The following MAP3K2 variants were observed in gnomAD, a reference collection of about 807,000 sequenced individuals.
MAP3K2 encodes the protein mitogen-activated protein kinase kinase kinase 2.
MAP3K2 carries 24 observed loss-of-function variants against 80.3 expected under a neutral mutation model. The observed-to-expected ratio is 0.30, with a 90% CI of 0.22 to 0.42. The LOEUF (loss-of-function observed/expected upper bound fraction) is 0.42, where lower values mean the gene tolerates loss of function less well. MAP3K2 is among the 10% of genes least tolerant of loss of function. MAP3K2 has a pLI of 1.00. For synonymous variants in MAP3K2, 244 were observed against 253.7 expected, an observed-to-expected ratio of 0.96 and a Z score of 0.36; for missense variants, 608 against 750.1, an observed-to-expected ratio of 0.81 and a Z score of 2.21.
Position 127,339,009 on chromosome 2 carries a change from C to T in MAP3K2, c.46G>A (p.Val16Ile), listed in dbSNP as rs1686426677. ...GCTGGTCGACTGGCCTTATGAAGGA[C>T]AGCCAAATCTTGCATGATTGAGTTC... ...ALNSIMQDLA[V>I]LHKASRPALS... Residue 16 changes from valine (V) to isoleucine (I), a missense_variant, in exon 3 of 17, where the codon GTC becomes ATC. Physicochemically the swap from Val to Ile is conservative, Grantham distance 29 (BLOSUM62 3). Transcript: ENST00000682094. This position sits in a 1 kb window ranked among gnomAD's most constrained non-coding sequence, Gnocchi z 4.2. 3.1e-6 allele frequency: 5 copies of T among 1,612,632 alleles called. No homozygotes were observed. Among genetic ancestry groups the T allele is most frequent in the Admixed American group, 3.3e-5 (2 of 59,962 alleles).
chr2:127,382,053 C>G (rs1186739958), intron 1 of MAP3K2, among the ~76,000 whole-genome samples: 2 of 152,184 alleles, frequency 1.3e-5, no homozygotes, highest in African/African-American at 4.8e-5. Flanking sequence ...TATAAGAGAT[C>G]AAAAAGCCTT....
rs1686234870 is a variant in MAP3K2, at chr2:127,330,522, G to C, written c.265-17C>G. On this transcript the variant is annotated splice_polypyrimidine_tract_variant and intron_variant, in intron 5 of 16. Transcript: ENST00000682094. Reference sequence around the variant, plus strand: ...AATTACCAACTAAAAACAAACATAAGGAACCATGCAGCTATCTCACCAGGT... The same window carrying C: ...AATTACCAACTAAAAACAAACATAACGAACCATGCAGCTATCTCACCAGGT... 2 of 1,315,896 alleles carry C rather than the reference G, an allele frequency of 1.5e-6. No individual in the cohort carries two copies. Among genetic ancestry groups the C allele is most frequent in the Middle Eastern group, 1.8e-4 (1 of 5,490 alleles). 81.5% of individuals were successfully genotyped at this position (1,315,896 alleles called of 1,614,324 possible). A position where few individuals can be genotyped will look rare whatever the true frequency, so the allele number is the denominator to read the frequency against.
intron 9 of MAP3K2, among the ~76,000 whole-genome samples, chr2:127,325,458 C>T (rs1054254474): frequency 1.3e-5 from 2 of 152,170 alleles, no homozygotes; most frequent in Non-Finnish European, 2.9e-5. Flanking sequence ...GCAGGAGGTT[C>T]GCTTGAGCCC....
intron 5 of MAP3K2, among the ~76,000 whole-genome samples, chr2:127,331,356 T>G (rs1686252327): frequency 6.6e-6 from 1 of 152,216 alleles, no homozygotes; most frequent in South Asian, 2.1e-4. Flanking sequence ...GAACATATTC[T>G]GCACTAGTTA....
Position 127,334,436 on chromosome 2 carries a change from A to G in MAP3K2, c.264+1434T>C, listed in dbSNP as rs191584681. ...TAATTCAAGTTCAAGACATTTTTTAAAAATTTATTCTTTTTTGTTCAGACA... is the reference window on the plus strand; with the variant it reads ...TAATTCAAGTTCAAGACATTTTTTAGAAATTTATTCTTTTTTGTTCAGACA... On this transcript the variant is annotated intron_variant, in intron 5 of 16. Coordinates refer to ENST00000682094, the MANE Select transcript of MAP3K2 (RefSeq NM_001371910.2). 2.0e-5 allele frequency among the ~76,000 whole-genome samples: 3 copies of G among 152,164 alleles called. No homozygotes were observed. The South Asian group carries it at 6.2e-4, about 31-fold the overall frequency.
intron 5 of MAP3K2, among the ~76,000 whole-genome samples, chr2:127,334,774 A>ATTTTT (rs11378420): frequency 7.1e-6 from 1 of 141,344 alleles, no homozygotes; most frequent in Non-Finnish European, 1.5e-5. Flanking sequence ...TACTTTATGC[A>ATTTTT]TTTTTTTTTT....
intron 1 of MAP3K2, among the ~76,000 whole-genome samples, chr2:127,363,022 A>C (rs116530713): frequency 0.012 from 1,788 of 152,342 alleles, 18 homozygotes; most frequent in South Asian, 0.022. Flanking sequence ...GCCGTGTAAC[A>C]ATAATTTACA....
intron 14 of MAP3K2, among the ~76,000 whole-genome samples, chr2:127,317,193 G>A (rs546433945): frequency 1.5e-4 from 23 of 152,138 alleles, no homozygotes; most frequent in Non-Finnish European, 2.6e-4. Context: ...TAAGGCAGAA[G>A]AATCACTTGG....
intron 1 of MAP3K2, among the ~76,000 whole-genome samples, chr2:127,374,927 A>G (rs1687123792): frequency 6.6e-6 from 1 of 152,200 alleles, no homozygotes; most frequent in South Asian, 2.1e-4. Flanking sequence ...AGAAAACAAA[A>G]AAGGGGGAAT....
chr2:127,326,094 T>C (rs1686132002), intron 8 of MAP3K2, among the ~76,000 whole-genome samples: 1 of 152,154 alleles, frequency 6.6e-6, no homozygotes, highest in African/African-American at 2.4e-5. Context: ...TCTTTCTCTA[T>C]AGACTATTGA....
intron 1 of MAP3K2, among the ~76,000 whole-genome samples, chr2:127,373,671 T>TC (rs1687102691): frequency 1.3e-5 from 2 of 152,168 alleles, no homozygotes; most frequent in African/African-American, 4.8e-5. Flanking sequence ...CACTAAACAC[T>TC]CCCCTACAGG....
At chr2:127,343,730 T>C (rs1321451192) in intron 1 of MAP3K2, among the ~76,000 whole-genome samples, 4 of 151,872 alleles carry the variant, frequency 2.6e-5, no homozygotes, top group African/African-American at 9.7e-5. Flanking sequence ...AAAAGAAAGG[T>C]GTTTATGACC....
intron 2 of MAP3K2, among the ~76,000 whole-genome samples, chr2:127,341,238 C>T (rs1354275553): frequency 2.6e-5 from 4 of 151,948 alleles, no homozygotes; most frequent in Non-Finnish European, 5.9e-5. Context: ...ATCCGCCTGC[C>T]TCGACCTCCC....
intron 1 of MAP3K2, among the ~76,000 whole-genome samples, chr2:127,357,552 T>C (rs1002930181): frequency 1.3e-5 from 2 of 152,104 alleles, no homozygotes; most frequent in African/African-American, 4.8e-5. Flanking sequence ...AAAACAAGTT[T>C]GAAAAAGAAG....
intron 1 of MAP3K2, among the ~76,000 whole-genome samples, chr2:127,367,160 G>C (rs1686987689): frequency 1.3e-5 from 2 of 152,132 alleles, no homozygotes; most frequent in Admixed American, 6.5e-5. Flanking sequence ...GAAGTCAAAA[G>C]AATGCAGCCA....
At chr2:127,338,258 T>C (rs1177934713) in intron 3 of MAP3K2, among the ~76,000 whole-genome samples, 1 of 152,210 alleles carries the variant, frequency 6.6e-6, no homozygotes, top group Non-Finnish European at 1.5e-5. Context: ...AATGAAATGC[T>C]ACCTTATTTT....
At position 127,364,926 on chromosome 2, in the gene MAP3K2, G is replaced by A. The variant is rs1282499561; in HGVS notation, c.-65-21732C>T. On this transcript the variant is annotated intron_variant, in intron 1 of 16. Coordinates refer to ENST00000682094, the MANE Select transcript of MAP3K2 (RefSeq NM_001371910.2). The surrounding 1 kb of genome is among the most constrained non-coding windows in gnomAD (Gnocchi z 4.1). Reference sequence around the variant, plus strand: ...GCAGATCACCTGAGGTCAGGAGTTTGAGACCGGCCTGGCCAACATGGCAAA... The same window carrying A: ...GCAGATCACCTGAGGTCAGGAGTTTAAGACCGGCCTGGCCAACATGGCAAA... Among the ~76,000 whole-genome samples the A allele has an allele frequency of 6.6e-6, 1 of 151,976 alleles. No homozygotes were observed. The highest frequency in any genetic ancestry group is 1.5e-5 in the Non-Finnish European group (1 of 67,980).
chr2:127,320,740 A>G lies in MAP3K2; in HGVS notation c.1045+1306T>C, dbSNP rs377742984. Among the ~76,000 whole-genome samples, 18 of 152,330 alleles carry G rather than the reference A, an allele frequency of 1.2e-4. No individual in the cohort carries two copies. In the East Asian group the frequency reaches 1.5e-3, roughly 13 times the overall value. Reference sequence around the variant, plus strand: ...CAGCTGTGGGGGAAGAAAGCATATTACATATGGAGGAACAAAGATAAGAAT... The same window carrying G: ...CAGCTGTGGGGGAAGAAAGCATATTGCATATGGAGGAACAAAGATAAGAAT... On this transcript the variant is annotated intron_variant, in intron 12 of 16. Coordinates refer to ENST00000682094, the MANE Select transcript of MAP3K2 (RefSeq NM_001371910.2).
intron 1 of MAP3K2, among the ~76,000 whole-genome samples, chr2:127,377,565 G>A (rs1687172592): frequency 6.6e-6 from 1 of 152,128 alleles, no homozygotes; most frequent in African/African-American, 2.4e-5. Flanking sequence ...CTAACTGGAA[G>A]AGCCACACAA....
Sources: allele counts gnomAD v4.1 joint callset (sites outside exome capture counted in the v4.1 genomes callset), GRCh38; gene constraint gnomAD v4.1.1; non-coding constraint Gnocchi (gnomAD v3.1); transcripts MANE v1.5; gene names NCBI Gene and HGNC (gene_info 2026-07-23, HGNC 2026-07-21).